The following EGF variants were observed in gnomAD, a reference collection of about 807,000 sequenced individuals.
EGF encodes pro-epidermal growth factor.
EGF carries 95 observed loss-of-function variants against 143.8 expected under a neutral mutation model. The observed-to-expected ratio is 0.66, with a 90% CI of 0.56 to 0.78. The LOEUF is 0.78. Among genes scored for constraint, EGF ranks in the 30% least tolerant of loss-of-function variants. The probability of loss-of-function intolerance (pLI) is 0.00; values close to 1 mark genes in which losing one functional copy is unlikely to be tolerated. For synonymous variants in EGF, 510 were observed against 510.5 expected, an observed-to-expected ratio of 1.00 and a Z score of 0.01; for missense variants, 1,320 against 1,470.9, an observed-to-expected ratio of 0.90 and a Z score of 1.68.
At chr4:109,943,655 C>G (rs979087316) in intron 3 of EGF, among the ~76,000 whole-genome samples, 187 bp from the exon 4 acceptor site, 3 of 151,904 alleles carry the variant, frequency 2.0e-5, no homozygotes, top group Admixed American at 6.5e-5. Flanking sequence ...GCTATAGAGG[C>G]ATAATTCCCT....
intron 21 of EGF, among the ~76,000 whole-genome samples, chr4:110,000,143 C>T (rs1379485470): frequency 6.7e-6 from 1 of 149,780 alleles, no homozygotes. Context: ...CTCAGCTACT[C>T]GGGAGGCTGA....
At chr4:109,917,494 G>T (rs1235509919) in intron 1 of EGF, among the ~76,000 whole-genome samples, 2 of 151,230 alleles carry the variant, frequency 1.3e-5, no homozygotes, top group African/African-American at 4.9e-5. Context: ...TTTAGTTTTT[G>T]TCTTTTTTTT....
At chr4:109,959,588 C>A (rs1745368347) in intron 6 of EGF, 151 bp downstream of exon 6, 2 of 1,095,078 alleles carry the variant, frequency 1.8e-6, no homozygotes, top group South Asian at 1.4e-5. Flanking sequence ...CCCACACAAC[C>A]CCTGAAGACT....
intron 6 of EGF, among the ~76,000 whole-genome samples, chr4:109,959,928 C>T (rs1000952480): frequency 5.3e-5 from 8 of 152,086 alleles, no homozygotes; most frequent in African/African-American, 1.2e-4. Context: ...CCAAGTGCAA[C>T]GAACTCAGGA....
In EGF at chr4:110,012,941, A is replaced by G. The variant is rs1754129143; in HGVS notation, c.*1486A>G. Among the ~76,000 whole-genome samples the G allele has an allele frequency of 6.6e-6, 1 of 152,228 alleles. No homozygotes were observed. The highest frequency in any genetic ancestry group is 2.4e-5 in the African/African-American group (1 of 41,452). On this transcript the variant is annotated 3_prime_UTR_variant, in exon 24 of 24. Coordinates refer to ENST00000265171, the MANE Select transcript of EGF (RefSeq NM_001963.6). ...TTGTACTTTGGTGATACCAGACATC[A>G]GAATAAAAAGAAATTGAAGTACCTG...
At chr4:109,926,868 T>C (rs1409864305) in intron 1 of EGF, among the ~76,000 whole-genome samples, 1 of 152,234 alleles carries the variant, frequency 6.6e-6, no homozygotes, top group African/African-American at 2.4e-5. Context: ...AGAGAGCAGT[T>C]TGAAGATAGA....
At chr4:109,988,934 T>TGGA (rs1750554325) in intron 18 of EGF, among the ~76,000 whole-genome samples, 1 of 152,242 alleles carries the variant, frequency 6.6e-6, no homozygotes, top group African/African-American at 2.4e-5. Flanking sequence ...CAAGCCCCTT[T>TGGA]GGAGGCTGTT....
In EGF at chr4:109,963,612, A is replaced by G. The variant is rs11568957; in HGVS notation, c.1438+314A>G. Among the ~76,000 whole-genome samples, 960 of 152,304 alleles carry G rather than the reference A, an allele frequency of 6.3e-3. 8 individuals are homozygous for G. The highest frequency in any genetic ancestry group is 0.022 in the African/African-American group (898 of 41,556). On this transcript the variant is annotated intron_variant, in intron 9 of 23. Transcript: ENST00000265171. ...TATAGTTAAGAGGCATTTAATAAGT[A>G]TTTGTTGATTGATTTGATTTTTATC... is the stretch of plus-strand genomic sequence containing the variant.
chr4:109,951,941 T>G (rs1206003738), intron 5 of EGF, among the ~76,000 whole-genome samples: 1 of 152,244 alleles, frequency 6.6e-6, no homozygotes. Flanking sequence ...TTTCTCTCTC[T>G]CTTTTTACAT....
chr4:109,913,222 G>T lies in EGF; in HGVS notation c.-114G>T. 1.5e-6 allele frequency: 2 copies of T among 1,343,338 alleles called. No homozygotes were observed. Among genetic ancestry groups the T allele is most frequent in the Non-Finnish European group, 1.1e-6 (1 of 945,414 alleles). 83.2% of individuals were successfully genotyped at this position (1,343,338 alleles called of 1,614,324 possible). On this transcript the variant is annotated 5_prime_UTR_variant, in exon 1 of 24. Transcript: ENST00000265171. ...ACAGGAGAGTAAAAGATGCCCCAGG[G>T]CTGAGGCCTCCGCTCAGGCAGCCGC...
rs11569027 is a variant in EGF at position 109,983,111 on chromosome 4, G to A, written c.2372-311G>A. 4.6e-4 allele frequency among the ~76,000 whole-genome samples: 70 copies of A among 152,304 alleles called. 2 individuals carry two copies. The South Asian group carries it at 0.013, about 29-fold the overall frequency. ...CTTAATAACCGTGGGCTGTGATTAT[G>A]AGCTGATCATGTCCCTGAGGGTTTT... On this transcript the variant is annotated intron_variant, in intron 15 of 23. Transcript: ENST00000265171.
chr4:109,970,802 G>A (rs1372470817), intron 11 of EGF, among the ~76,000 whole-genome samples: 1 of 139,308 alleles, frequency 7.2e-6, no homozygotes, highest in East Asian at 2.2e-4. Flanking sequence ...TCCAGCCTGG[G>A]TGGCAGAGCG....
At chr4:109,926,745 G>A (rs1295732005) in intron 1 of EGF, among the ~76,000 whole-genome samples, 3 of 152,188 alleles carry the variant, frequency 2.0e-5, no homozygotes, top group Admixed American at 6.5e-5. Flanking sequence ...ACAGATAGAT[G>A]TCAGTAGTAT....
At chr4:109,936,187 T>G (rs948463792) in intron 1 of EGF, among the ~76,000 whole-genome samples, 1 of 152,228 alleles carries the variant, frequency 6.6e-6, no homozygotes, top group Non-Finnish European at 1.5e-5. Context: ...GGAATTTTTA[T>G]GGTTGGTAAG....
rs1345828772 is a variant in EGF at position 109,993,283 on chromosome 4, G to A, written c.2771G>A (p.Gly924Glu). Residue 924 changes from glycine (G) to glutamate (E), a missense_variant, in exon 19 of 24, where the codon GGA becomes GAA. By Grantham distance (98) the Gly-to-Glu change is moderately conservative. Around this residue, in one of 5 missense-constraint regions of EGF, gnomAD observed 1,186 missense variants for 1,313.7 expected, o/e 0.90. Coordinates refer to ENST00000265171, the MANE Select transcript of EGF (RefSeq NM_001963.6). The stretch of plus-strand genomic sequence containing the variant: ...TGCCAACTGGGGGAGCACAGCTGTG[G>A]AGAGAATGCCAGCTGCACAAATACA... ...DECQLGEHSCGENASCTNTEG... is the reference protein window; with the variant it reads ...DECQLGEHSCEENASCTNTEG... The A allele has an allele frequency of 6.2e-7, 1 of 1,613,724 alleles. No individual in the cohort carries two copies. The highest frequency in any genetic ancestry group is 1.3e-5 in the African/African-American group (1 of 74,876).
chr4:109,997,539 G>A (rs959602998), intron 20 of EGF, among the ~76,000 whole-genome samples: 12 of 151,798 alleles, frequency 7.9e-5, no homozygotes, highest in African/African-American at 2.9e-4. Context: ...TCAGCTCACT[G>A]CAAGCTCCGC....
chr4:109,994,960 T>C, intron 20 of EGF, 80 bp downstream of exon 20: 1 of 1,586,600 alleles, frequency 6.3e-7, no homozygotes, highest in Non-Finnish European at 8.6e-7. Flanking sequence ...AAATTTACAC[T>C]CAGGATGTTT....
At chr4:109,917,078 T>C (rs1306316079) in intron 1 of EGF, among the ~76,000 whole-genome samples, 1 of 152,208 alleles carries the variant, frequency 6.6e-6, no homozygotes, top group African/African-American at 2.4e-5. Flanking sequence ...ACTCTGTTCG[T>C]CGGGTTTCTT....
At position 109,963,224 on chromosome 4, in the gene EGF, G is replaced by C. The variant is rs991882907; in HGVS notation, c.1364G>C (p.Ser455Thr). The change falls in exon 9 of 24, where the codon AGC becomes ACC. Residue 455 changes from serine (S) to threonine (T), a missense_variant. By Grantham distance (58) the Ser-to-Thr change is moderately conservative. Transcript: ENST00000265171. ...TGTAGCCAGCTCTGCGTTCCTCTTA[G>C]CCCAGTATCCTGGGAATGTGATTGC... ...GGCSQLCVPL[S>T]PVSWECDCFP... 1.2e-6 allele frequency: 2 copies of C among 1,613,824 alleles called. No homozygotes were observed. Among genetic ancestry groups the C allele is most frequent in the Non-Finnish European group, 1.7e-6 (2 of 1,179,914 alleles).
Sources: gnomAD v4.1 joint callset for allele counts (sites outside exome capture counted in the v4.1 genomes callset) on GRCh38, gnomAD v4.1.1 for gene constraint, gnomAD v4.1.1 regional missense constraint, MANE v1.5 for transcripts, NCBI Gene and HGNC (gene_info 2026-07-23, HGNC 2026-07-21) for gene names.